The following LRRIQ1 variants were observed in gnomAD, a reference collection of about 807,000 sequenced individuals.
LRRIQ1 encodes the protein leucine rich repeats and IQ motif containing 1.
LRRIQ1 carries 210 observed loss-of-function variants against 211.9 expected under a neutral mutation model. The ratio of observed to expected loss-of-function variants is 0.99; its 90% confidence interval spans 0.89 to 1.11. The LOEUF (loss-of-function observed/expected upper bound fraction) is 1.11. Among genes scored for constraint, LRRIQ1 ranks in the 50% most tolerant of loss-of-function variants. The pLI is 0.00. For missense variants in LRRIQ1, 2,136 were observed against 1,939.5 expected (o/e 1.10, Z -1.90); for synonymous variants, 699 against 650.1 (o/e 1.08, Z -1.14).
intron 23 of LRRIQ1, among the ~76,000 whole-genome samples, chr12:85,155,002 C>A (rs936212812): frequency 1.3e-5 from 2 of 150,904 alleles, no homozygotes; most frequent in East Asian, 1.9e-4. Flanking sequence ...TCAGTAAATT[C>A]TAAGAACCAG....
chr12:85,135,793 G>A (rs1197566992), intron 18 of LRRIQ1, among the ~76,000 whole-genome samples: 6 of 94,674 alleles, frequency 6.3e-5, no homozygotes, highest in Non-Finnish European at 1.4e-4. Context: ...GTGACACAAT[G>A]TTCCAGGTTC....
chr12:85,061,246 C>T (rs1881763581), intron 8 of LRRIQ1, among the ~76,000 whole-genome samples: 1 of 151,644 alleles, frequency 6.6e-6, no homozygotes, highest in Non-Finnish European at 1.5e-5. Flanking sequence ...TCTATATTGA[C>T]CTTAATTTCG....
rs549198488 is a variant in LRRIQ1, at chr12:85,173,024, G to A, written c.4822+12310G>A. On this transcript the variant is annotated intron_variant, in intron 24 of 26. Transcript: ENST00000393217. ...CTCGGGAGGCTGAGGTAGGAGAATC[G>A]CTTGAACCTGGGAGGCAGAGGTTGC... is the stretch of plus-strand genomic sequence containing the variant. Among the ~76,000 whole-genome samples, 91 of 152,100 alleles carry A rather than the reference G, an allele frequency of 6.0e-4. 2 individuals are homozygous for A. In the South Asian group the frequency reaches 0.012, roughly 20 times the overall value.
At chr12:85,045,465 G>A (rs1329869532) in intron 4 of LRRIQ1, among the ~76,000 whole-genome samples, 5 of 151,018 alleles carry the variant, frequency 3.3e-5, no homozygotes, top group African/African-American at 1.2e-4. Flanking sequence ...TGAATTTTTT[G>A]TAATACTCAA....
At chr12:85,251,808 A>C (rs961855681) in intron 1 of LRRIQ1, among the ~76,000 whole-genome samples, 1 of 151,660 alleles carries the variant, frequency 6.6e-6, no homozygotes, top group Non-Finnish European at 1.5e-5. Flanking sequence ...AGAGGAGATC[A>C]AGATTCCTTC....
intron 24 of LRRIQ1, among the ~76,000 whole-genome samples, chr12:85,226,289 T>A (rs542470282): frequency 6.6e-6 from 1 of 152,224 alleles, no homozygotes; most frequent in African/African-American, 2.4e-5. Flanking sequence ...TACAAAAGGA[T>A]TCTCTCCATA....
At chr12:85,271,135 G>C in the LRRIQ1 span, among the ~76,000 whole-genome samples, 1 of 152,060 alleles carries the variant, frequency 6.6e-6, no homozygotes, top group Non-Finnish European at 1.5e-5. Flanking sequence ...AGAAATAGTA[G>C]TACTATAACA....
intron 10 of LRRIQ1, among the ~76,000 whole-genome samples, chr12:85,070,118 G>A (rs974075515): frequency 2.6e-5 from 4 of 151,980 alleles, no homozygotes; most frequent in African/African-American, 9.7e-5. Flanking sequence ...ATAAATTGAA[G>A]TTAGTTAAAA....
chr12:85,052,059 T>C, intron 6 of LRRIQ1, 118 bp from the exon 7 acceptor site: 1 of 541,892 alleles, frequency 1.8e-6, no homozygotes, highest in Non-Finnish European at 3.1e-6. Flanking sequence ...TGAAAGCCAT[T>C]GGTTGGGTTG....
intron 18 of LRRIQ1, among the ~76,000 whole-genome samples, chr12:85,128,505 CAGG>C (rs1888539695): frequency 6.6e-6 from 1 of 152,024 alleles, no homozygotes; most frequent in Non-Finnish European, 1.5e-5. Context: ...GAGGCTGAGG[CAGG>C]AGGATTGCTT....
At chr12:85,151,988 G>T (rs1389816928) in intron 19 of LRRIQ1, among the ~76,000 whole-genome samples, 1 of 151,626 alleles carries the variant, frequency 6.6e-6, no homozygotes, top group East Asian at 1.9e-4. Flanking sequence ...TTGGCTCAGA[G>T]TCATAGTTAT....
At position 85,066,811 on chromosome 12, in the gene LRRIQ1, A is replaced by G; in HGVS notation, c.2608A>G (p.Lys870Glu). The change falls in exon 10 of 27, where the codon AAA (lysine) becomes GAA (glutamate). Residue 870 changes from lysine to glutamate, a missense_variant. By Grantham distance (56) the Lys-to-Glu change is moderately conservative (BLOSUM62 1). Transcript: ENST00000393217. ...LENLCVVLLN[K>E]NQLTSLHGLD... ...AAATCTCTGTGTTGTTCTTCTTAAT[A>G]AAAATCAACTGACTTCTCTTCATGG... is the stretch of plus-strand genomic sequence containing the variant. 6.3e-7 allele frequency: 1 copy of G among 1,598,922 alleles called. No homozygotes were observed. Among genetic ancestry groups the G allele is most frequent in the Non-Finnish European group, 8.5e-7 (1 of 1,171,184 alleles).
chr12:85,272,229 A>G, the LRRIQ1 span, among the ~76,000 whole-genome samples: 2 of 152,190 alleles, frequency 1.3e-5, no homozygotes, highest in Non-Finnish European at 2.9e-5. Context: ...GCCAATATTT[A>G]TGTTTCTTTT....
chr12:85,231,961 A>C (rs1894963608), intron 25 of LRRIQ1, among the ~76,000 whole-genome samples: 1 of 152,208 alleles, frequency 6.6e-6, no homozygotes, highest in South Asian at 2.1e-4. Context: ...TAGGATTCAT[A>C]ACTTACTATT....
chr12:85,261,560 T>A (rs1896287274), intron 1 of LRRIQ1, among the ~76,000 whole-genome samples: 1 of 151,622 alleles, frequency 6.6e-6, no homozygotes, highest in South Asian at 2.1e-4. Flanking sequence ...TTCTATTTTT[T>A]TTTTCTCTAA....
chr12:85,176,509 A>T (rs1409432525), intron 24 of LRRIQ1, among the ~76,000 whole-genome samples: 1 of 147,836 alleles, frequency 6.8e-6, no homozygotes, highest in Non-Finnish European at 1.5e-5. Flanking sequence ...ACCAAACACC[A>T]CATATTCTCA....
At chr12:85,223,888 G>A (rs971497594) in intron 24 of LRRIQ1, among the ~76,000 whole-genome samples, 1 of 151,256 alleles carries the variant, frequency 6.6e-6, no homozygotes, top group Non-Finnish European at 1.5e-5. Flanking sequence ...CACTAGCAAA[G>A]ATGTATAAAT....
chr12:85,131,943 C>T (rs1203784047), intron 18 of LRRIQ1, among the ~76,000 whole-genome samples: 1 of 151,988 alleles, frequency 6.6e-6, no homozygotes, highest in East Asian at 1.9e-4. Context: ...TTTACATGAC[C>T]ATTATTTCTG....
intron 24 of LRRIQ1, among the ~76,000 whole-genome samples, chr12:85,162,215 C>A (rs1890924106): frequency 6.6e-6 from 1 of 151,872 alleles, no homozygotes; most frequent in Admixed American, 6.6e-5. Flanking sequence ...TGCCCATTAT[C>A]CATGTCAAAA....
Sources: gnomAD v4.1 joint callset for allele counts (sites outside exome capture counted in the v4.1 genomes callset) on GRCh38, gnomAD v4.1.1 for gene constraint, MANE v1.5 for transcripts, NCBI Gene and HGNC (gene_info 2026-07-23, HGNC 2026-07-21) for gene names.